PTPRA: variants seen among roughly 807,000 people sequenced by gnomAD.
PTPRA encodes protein tyrosine phosphatase receptor type A, also known as receptor-type tyrosine-protein phosphatase alpha.
PTPRA carries 25 observed loss-of-function variants against 104.8 expected under a neutral mutation model. The observed-to-expected ratio is 0.24, with a 90% CI of 0.17 to 0.33. PTPRA has a LOEUF of 0.33. Among genes scored for constraint, PTPRA ranks in the 10% least tolerant of loss-of-function variants. PTPRA has a pLI of 1.00. For synonymous variants in PTPRA, 323 were observed against 368.9 expected (o/e 0.88, Z 1.43); for missense variants, 765 against 1,015.3 (o/e 0.75, Z 3.35).
intron 2 of PTPRA, among the ~76,000 whole-genome samples, chr20:2,931,556 C>T (rs573889636): frequency 6.4e-4 from 98 of 152,164 alleles, no homozygotes; most frequent in African/African-American, 2.2e-3. Flanking sequence ...AAGGATATGG[C>T]GAGAAGAACA....
rs376070862 is a variant in PTPRA, at chr20:2,928,007, CTCAGTCAATCAA to C, written c.-50+4737_-50+4748del. Among the ~76,000 whole-genome samples the C allele has an allele frequency of 2.5e-3, 384 of 152,214 alleles. 4 individuals carry two copies. In the East Asian group the frequency reaches 0.035, roughly 14 times the overall value. On this transcript the variant is annotated intron_variant, in intron 2 of 23. Coordinates refer to ENST00000399903, the MANE Select transcript of PTPRA (RefSeq NM_001385305.1). ...CCTAGGCGACAGAGTGAGACTCCAT[CTCAGTCAATCAA>C]TCAGTCAATCAATCTATCTTACCAG...
intron 2 of PTPRA, among the ~76,000 whole-genome samples, chr20:2,935,065 T>G (rs1001407646): frequency 6.6e-6 from 1 of 152,238 alleles, no homozygotes; most frequent in Admixed American, 6.5e-5. Flanking sequence ...TGTTATTAAC[T>G]GTAGTCACCA....
Position 2,950,414 on chromosome 20 carries a change from G to A in PTPRA, c.-7+2390G>A, listed in dbSNP as rs1317310537. Among the ~76,000 whole-genome samples the A allele has an allele frequency of 4.6e-5, 7 of 151,842 alleles. No homozygotes were observed. The highest frequency in any genetic ancestry group is 1.2e-4 in the African/African-American group (5 of 41,334). ...AGCACTTTGGGAGGCCGAGGCGGGC[G>A]GATCACGAGGTCAAGAGATCGAGAC... is the stretch of plus-strand genomic sequence containing the variant. On this transcript the variant is annotated intron_variant, in intron 3 of 23. Coordinates refer to ENST00000399903, the MANE Select transcript of PTPRA (RefSeq NM_001385305.1). The surrounding 1 kb of genome is among the most constrained non-coding windows in gnomAD (Gnocchi z 4.0).
intron 5 of PTPRA, among the ~76,000 whole-genome samples, chr20:2,971,568 C>T (rs1202966266): frequency 6.6e-6 from 1 of 152,100 alleles, no homozygotes; most frequent in Non-Finnish European, 1.5e-5. Flanking sequence ...TGATGAATAC[C>T]TCCAGAACAA....
intron 20 of PTPRA, among the ~76,000 whole-genome samples, chr20:3,032,909 T>C (rs1215712209): frequency 6.8e-6 from 1 of 147,950 alleles, no homozygotes. Flanking sequence ...TTCTCTTTTC[T>C]GATTTTTTTT....
intron 20 of PTPRA, among the ~76,000 whole-genome samples, chr20:3,031,599 C>A (rs1322231535): frequency 6.6e-6 from 1 of 152,166 alleles, no homozygotes; most frequent in Non-Finnish European, 1.5e-5. Context: ...CCTGTATCTG[C>A]ACTGCCCTTG....
intron 9 of PTPRA, among the ~76,000 whole-genome samples, chr20:2,989,755 C>T (rs138124817): frequency 0.01 from 1,540 of 152,286 alleles, 23 homozygotes; most frequent in African/African-American, 0.034. Context: ...CGGTGGCTCA[C>T]GCCTGTAATC....
chr20:3,020,378 G>A (rs568943005), intron 13 of PTPRA, among the ~76,000 whole-genome samples: 4 of 152,126 alleles, frequency 2.6e-5, no homozygotes, highest in African/African-American at 4.8e-5. Context: ...GATTATAGGC[G>A]TGAGCCACCA....
intron 2 of PTPRA, among the ~76,000 whole-genome samples, chr20:2,925,007 A>G (rs2060243743): frequency 3.3e-5 from 5 of 152,186 alleles, no homozygotes; most frequent in Admixed American, 3.3e-4. Flanking sequence ...TAATGTGTTC[A>G]TATACATACT....
At chr20:3,026,420 G>A (rs921833365) in intron 17 of PTPRA, among the ~76,000 whole-genome samples, 6 of 152,268 alleles carry the variant, frequency 3.9e-5, no homozygotes, top group Admixed American at 1.3e-4. Context: ...TCCCTCCTAC[G>A]ATGCTGGAAT....
intron 9 of PTPRA, among the ~76,000 whole-genome samples, chr20:3,000,147 G>T (rs568484588): frequency 6.6e-6 from 1 of 152,088 alleles, no homozygotes; most frequent in African/African-American, 2.4e-5. Context: ...AATTAGCCAG[G>T]TGTGGTGGCG....
At chr20:2,965,248 C>G (rs370648518) in intron 5 of PTPRA, 46 bp downstream of exon 5, 10 of 1,485,446 alleles carry the variant, frequency 6.7e-6, no homozygotes, top group Non-Finnish European at 6.4e-6. Flanking sequence ...TGAGTTTAGT[C>G]TTCCTTTTAT....
At chr20:2,954,408 A>G (rs2061464364) in intron 3 of PTPRA, among the ~76,000 whole-genome samples, 1 of 151,370 alleles carries the variant, frequency 6.6e-6, no homozygotes, top group African/African-American at 2.4e-5. Context: ...TATTTTGTAG[A>G]GATGAGGTCT....
At chr20:2,944,990 T>C (rs959265087) in intron 2 of PTPRA, among the ~76,000 whole-genome samples, 2 of 152,226 alleles carry the variant, frequency 1.3e-5, no homozygotes, top group South Asian at 4.1e-4. Flanking sequence ...AAATTACATG[T>C]AGGTTAGATC....
chr20:2,887,084 TG>T (rs1035611828), intron 1 of PTPRA, among the ~76,000 whole-genome samples: 9 of 152,292 alleles, frequency 5.9e-5, no homozygotes, highest in Non-Finnish European at 1.3e-4. Flanking sequence ...CATTAAAACT[TG>T]GAATCAGGCT....
At chr20:2,886,941 A>G (rs1375522092) in intron 1 of PTPRA, among the ~76,000 whole-genome samples, 1 of 152,168 alleles carries the variant, frequency 6.6e-6, no homozygotes, top group Non-Finnish European at 1.5e-5. Flanking sequence ...ATATCACAGA[A>G]GATAGATATT....
In PTPRA at chr20:3,007,369, A is replaced by G; in HGVS notation, c.855A>G (p.Thr285=). ...LPYDHSRVHL[T]PVEGVPDSDY... is the part of the protein sequence containing the mutation. Reference sequence around the variant, plus strand: ...ATGACCACTCTAGAGTCCACCTGACACCGGTTGAAGGGGTTCCAGATTCTG... The same window carrying G: ...ATGACCACTCTAGAGTCCACCTGACGCCGGTTGAAGGGGTTCCAGATTCTG... The change falls in exon 11 of 24, where the codon ACA becomes ACG. Residue 285 remains threonine (T), a synonymous_variant. Transcript: ENST00000399903. 6.2e-7 allele frequency: 1 copy of G among 1,614,156 alleles called. No homozygotes were observed. The highest frequency in any genetic ancestry group is 1.7e-5 in the Admixed American group (1 of 60,026).
At chr20:2,964,196 A>T in intron 3 of PTPRA, 76 bp from the exon 4 acceptor site, 1 of 1,228,742 alleles carries the variant, frequency 8.1e-7, no homozygotes, top group Non-Finnish European at 1.2e-6. Flanking sequence ...GAAATCCAGA[A>T]TACTCTTCTG....
intron 6 of PTPRA, among the ~76,000 whole-genome samples, chr20:2,984,478 G>C (rs1356646594): frequency 6.6e-6 from 1 of 152,170 alleles, no homozygotes; most frequent in Non-Finnish European, 1.5e-5. Flanking sequence ...TGATTGAATT[G>C]ATTGCTCCCT....
Sources: allele counts gnomAD v4.1 joint callset (sites outside exome capture counted in the v4.1 genomes callset), GRCh38; gene constraint gnomAD v4.1.1; non-coding constraint Gnocchi (gnomAD v3.1); transcripts MANE v1.5; gene names NCBI Gene and HGNC (gene_info 2026-07-23, HGNC 2026-07-21).